KNDC1: variants seen among roughly 807,000 people sequenced by gnomAD.
The protein encoded by KNDC1 is kinase non-catalytic C-lobe domain containing 1, also known as kinase non-catalytic C-lobe domain-containing protein 1.
Under a neutral mutation model 172.8 loss-of-function variants are expected in KNDC1, and 106 were observed. That is an observed-to-expected ratio of 0.61 (90% CI 0.52 to 0.72). The LOEUF (loss-of-function observed/expected upper bound fraction) is 0.72, where lower values mean the gene tolerates loss of function less well. Ranked by LOEUF, KNDC1 falls within the 30% of genes least tolerant of loss-of-function variation. The pLI, the probability that KNDC1 is intolerant of heterozygous loss-of-function variation, is 0.00. For synonymous variants in KNDC1, 1,083 were observed against 1,062.2 expected (o/e 1.02, Z -0.38); for missense variants, 2,325 against 2,394.5 (o/e 0.97, Z 0.61).
intron 3 of KNDC1, among the ~76,000 whole-genome samples, chr10:133,180,761 G>A (rs889262143): frequency 2.6e-5 from 4 of 152,244 alleles, no homozygotes; most frequent in African/African-American, 7.2e-5. Flanking sequence ...AGGGGCGCTC[G>A]GCAGTCCTAC....
intron 3 of KNDC1, among the ~76,000 whole-genome samples, chr10:133,175,541 T>A (rs1185174378): frequency 6.7e-6 from 1 of 148,588 alleles, no homozygotes; most frequent in Non-Finnish European, 1.5e-5. Flanking sequence ...GATGGTTGGG[T>A]GGAGGATAGA....
chr10:133,195,799 C>T lies in KNDC1; in HGVS notation c.1712C>T (p.Pro571Leu), dbSNP rs753918113. Reference protein sequence around the residue: ...DMARRSAPERPSAAEAIKVCG... With the variant: ...DMARRSAPERLSAAEAIKVCG... ...GCCAGGCGCAGTGCCCCGGAGCGGC[C>T]GTCCGCGGCTGAGGCCATCAAGGTA... Residue 571 changes from proline to leucine, a missense_variant, in exon 10 of 30, where the codon CCG (proline) becomes CTG (leucine). By Grantham distance (98) the Pro-to-Leu change is moderately conservative. Transcript: ENST00000304613. The T allele has an allele frequency of 5.2e-5, 82 of 1,578,264 alleles. No homozygotes were observed. The African/African-American group carries it at 8.1e-4, about 16-fold the overall frequency.
At position 133,210,707 on chromosome 10, in the gene KNDC1, C is replaced by A. The variant is rs1129334; in HGVS notation, c.3891C>A (p.Ile1297=). The change falls in exon 21 of 30, where the codon ATC becomes ATA. Residue 1297 remains isoleucine, a synonymous_variant. Transcript: ENST00000304613. Reference sequence around the variant, plus strand: ...TCCTGCACTTCCTCCTCGACCGCATCAACAGCACGCTGACCAGGTACCAAG... The same window carrying A: ...TCCTGCACTTCCTCCTCGACCGCATAAACAGCACGCTGACCAGGTACCAAG... ...HDFLHFLLDR[I]NSTLTRAHQD... is the part of the protein sequence containing the mutation. The A allele has an allele frequency of 1.2e-6, 2 of 1,613,194 alleles. No homozygotes were observed. The highest frequency in any genetic ancestry group is 1.3e-5 in the African/African-American group (1 of 74,918).
intron 9 of KNDC1, among the ~76,000 whole-genome samples, chr10:133,191,516 A>G (rs1183354483): frequency 1.3e-5 from 2 of 152,148 alleles, no homozygotes; most frequent in Admixed American, 6.5e-5. Context: ...CCTCGCCAAC[A>G]TGGTGAAACC....
intron 24 of KNDC1, among the ~76,000 whole-genome samples, chr10:133,213,221 AT>A (rs1168086916): frequency 6.6e-6 from 1 of 152,176 alleles, no homozygotes; most frequent in Admixed American, 6.5e-5. Flanking sequence ...TGAGGGCCGC[AT>A]GGGGCGCTGA....
intron 29 of KNDC1, among the ~76,000 whole-genome samples, chr10:133,221,483 CCTCA>C (rs1845587018): frequency 6.6e-6 from 1 of 152,168 alleles, no homozygotes; most frequent in Non-Finnish European, 1.5e-5. Flanking sequence ...CCAAGCTCGG[CCTCA>C]CTCTCTCCCT....
Position 133,214,092 on chromosome 10 carries a change from T to G in KNDC1, c.4647T>G (p.Ala1549=), listed in dbSNP as rs1327887001. ...RNADDVSTWV[A]AEIVTSHTSK... is the part of the protein sequence containing the mutation. ...CAGATGACGTCAGCACCTGGGTGGC[T>G]GCAGAGATTGTGACCAGCCACACCT... Residue 1549 remains alanine (A), a synonymous_variant, in exon 26 of 30, where the codon GCT becomes GCG. Coordinates refer to ENST00000304613, the MANE Select transcript of KNDC1 (RefSeq NM_152643.8). 1 of 1,613,990 alleles carries G rather than the reference T, an allele frequency of 6.2e-7. No homozygotes were observed. The highest frequency in any genetic ancestry group is 8.5e-7 in the Non-Finnish European group (1 of 1,180,014).
rs72859893 is a variant in KNDC1, at chr10:133,218,971, C to A, written c.4800+18C>A. 77,836 of 1,613,640 alleles carry A rather than the reference C, an allele frequency of 0.048. 2,486 individuals are homozygous for A. The highest frequency in any genetic ancestry group is 0.15 in the African/African-American group (11,006 of 75,026). On this transcript the variant is annotated intron_variant, in intron 27 of 29. Coordinates refer to ENST00000304613, the MANE Select transcript of KNDC1 (RefSeq NM_152643.8). Reference sequence around the variant, plus strand: ...AGTCCCCTGTGCGTCCCCCTCGGGCCCCAAGGCGGGGGTGGGTACCCGCAC... The same window carrying A: ...AGTCCCCTGTGCGTCCCCCTCGGGCACCAAGGCGGGGGTGGGTACCCGCAC...
chr10:133,212,196 G>T (rs571596179), intron 23 of KNDC1, among the ~76,000 whole-genome samples: 2 of 150,484 alleles, frequency 1.3e-5, no homozygotes, highest in African/African-American at 4.9e-5. Flanking sequence ...ACACCTACAC[G>T]TGTGCACCCT....
At chr10:133,211,072 G>A (rs1464543722) in intron 21 of KNDC1, among the ~76,000 whole-genome samples, 1 of 152,050 alleles carries the variant, frequency 6.6e-6, no homozygotes, top group Non-Finnish European at 1.5e-5. Flanking sequence ...CCAAGCAGAG[G>A]GTCCTACCGG....
intron 9 of KNDC1, among the ~76,000 whole-genome samples, chr10:133,195,332 G>C (rs950054903): frequency 6.6e-6 from 1 of 152,352 alleles, no homozygotes; most frequent in South Asian, 2.1e-4. Flanking sequence ...TGGGGGCTAT[G>C]CTGGCCAGTT....
intron 29 of KNDC1, 50 bp downstream of exon 29, chr10:133,220,162 C>G: frequency 6.9e-7 from 1 of 1,450,942 alleles, no homozygotes; most frequent in Non-Finnish European, 9.2e-7. Context: ...GGGGCTCAGG[C>G]GGGCGCGCGC....
intron 3 of KNDC1, among the ~76,000 whole-genome samples, chr10:133,178,096 AGT>A (rs141255499): frequency 0.05 from 6,949 of 138,760 alleles, 235 homozygotes; most frequent in Middle Eastern, 0.15. Flanking sequence ...GTGTGTGTGC[AGT>A]GTGTAGCGTG....
chr10:133,220,737 G>A (rs1470338582), intron 29 of KNDC1, among the ~76,000 whole-genome samples: 1 of 94,440 alleles, frequency 1.1e-5, no homozygotes. Context: ...AGGGGCTCAG[G>A]CGGCCGCGCG....
intron 6 of KNDC1, among the ~76,000 whole-genome samples, chr10:133,187,632 C>T (rs904990789): frequency 5.3e-5 from 8 of 152,234 alleles, no homozygotes; most frequent in Admixed American, 2.6e-4. Flanking sequence ...CCGAAGGGCA[C>T]ACGGAGGCAC....
At chr10:133,180,026 G>A (rs1161716977) in intron 3 of KNDC1, among the ~76,000 whole-genome samples, 1 of 152,232 alleles carries the variant, frequency 6.6e-6, no homozygotes, top group East Asian at 1.9e-4. Flanking sequence ...TCGTCCTGCT[G>A]CCCTGGGGCC....
At chr10:133,176,648 T>A (rs1853546208) in intron 3 of KNDC1, among the ~76,000 whole-genome samples, 1 of 152,152 alleles carries the variant, frequency 6.6e-6, no homozygotes, top group African/African-American at 2.4e-5. Flanking sequence ...TTCACTCACA[T>A]CTCCATGGAA....
At chr10:133,216,404 G>A (rs780218678) in intron 26 of KNDC1, among the ~76,000 whole-genome samples, 10 of 152,332 alleles carry the variant, frequency 6.6e-5, no homozygotes, top group Admixed American at 1.3e-4. Flanking sequence ...CAGGCCGGTC[G>A]CAGTGGCTGA....
chr10:133,207,510 C>T (rs1845238550), intron 20 of KNDC1, among the ~76,000 whole-genome samples, 159 bp downstream of exon 20: 1 of 152,246 alleles, frequency 6.6e-6, no homozygotes, highest in South Asian at 2.1e-4. Context: ...CTAGGTGCCA[C>T]CGGCAGCTTT....
Sources: allele counts gnomAD v4.1 joint callset (sites outside exome capture counted in the v4.1 genomes callset), GRCh38; gene constraint gnomAD v4.1.1; transcripts MANE v1.5; gene names NCBI Gene and HGNC (gene_info 2026-07-23, HGNC 2026-07-21).